The following RAB33A variants were observed in gnomAD, a reference collection of about 807,000 sequenced individuals.
RAB33A encodes the protein RAB33A, member RAS oncogene family, also known as ras-related protein Rab-33A.
RAB33A carries 6 observed loss-of-function variants against 12.0 expected under a neutral mutation model. The observed-to-expected ratio is 0.50, with a 90% CI of 0.27 to 0.99. RAB33A has a LOEUF of 0.99. RAB33A is among the 50% of genes least tolerant of loss of function. RAB33A has a pLI of 0.11. For synonymous variants in RAB33A, 70 were observed against 82.4 expected (o/e 0.85, Z 0.81); for missense variants, 109 against 192.0 (o/e 0.57, Z 2.55).
the RAB33A span, chrX:130,138,464 C>CA: frequency 1.3e-3 from 659 of 517,206 alleles, no homozygotes; most frequent in Middle Eastern, 3.5e-3. Flanking sequence ...GACTCCATCT[C>CA]AAAAAAAAAT....
upstream of RAB33A, among the ~76,000 whole-genome samples, chrX:130,168,465 C>T (rs979947672): frequency 1.8e-5 from 2 of 111,139 alleles, no homozygotes; most frequent in Admixed American, 9.5e-5. Context: ...TCGCCCGCCT[C>T]GGCCTCCCAA....
intron 1 of RAB33A, among the ~76,000 whole-genome samples, chrX:130,174,016 A>G (rs903535549): frequency 1.8e-5 from 2 of 112,127 alleles, no homozygotes; most frequent in Non-Finnish European, 3.8e-5. Context: ...TGGGAATCTA[A>G]AGAAGGAGGG....
chrX:130,145,695 A>AGTCTGGT, the RAB33A span: 2 of 531,219 alleles, frequency 3.8e-6, no homozygotes, highest in East Asian at 7.7e-5. Flanking sequence ...TAAGTCTCCA[A>AGTCTGGT]GTCTATTAAA....
At chrX:130,115,726 AAAG>A in the RAB33A span, among the ~76,000 whole-genome samples, 1 of 111,164 alleles carries the variant, frequency 9.0e-6, no homozygotes, top group African/African-American at 3.3e-5. Context: ...AGAAAGAAAG[AAAG>A]AAAGAAAAGG....
upstream of RAB33A, among the ~76,000 whole-genome samples, chrX:130,169,039 C>T (rs1418091153): frequency 9.1e-6 from 1 of 109,688 alleles, no homozygotes; most frequent in Non-Finnish European, 1.9e-5. Flanking sequence ...AACCCCGTCT[C>T]TACTAAAAAT....
In RAB33A at chrX:130,172,191, G is replaced by A; in HGVS notation, c.129G>A (p.Gly43=). Residue 43 remains glycine (G), a synonymous_variant, in exon 1 of 2, where the codon GGG becomes GGA. Coordinates refer to ENST00000257017, the MANE Select transcript of RAB33A (RefSeq NM_004794.3). The stretch of plus-strand genomic sequence containing the variant: ...GCATCTTCAAAATAATCGTGATTGG[G>A]GACTCCAACGTGGGCAAGACCTGCC... ...QIRIFKIIVI[G]DSNVGKTCLT... The A allele has an allele frequency of 8.3e-7, 1 of 1,212,061 alleles. No homozygotes were observed.
At chrX:130,158,946 C>T in the RAB33A span, among the ~76,000 whole-genome samples, 2 of 110,598 alleles carry the variant, frequency 1.8e-5, no homozygotes, top group Admixed American at 9.7e-5. Context: ...AGGCCACAGA[C>T]GGGTAAAAAC....
the RAB33A span, chrX:130,156,689 A>C: frequency 9.9e-7 from 1 of 1,009,636 alleles, no homozygotes; most frequent in South Asian, 1.9e-5. Context: ...TGCACTGTAC[A>C]AGACTTATTG....
the RAB33A span, among the ~76,000 whole-genome samples, chrX:130,113,102 A>ATTTTTT: frequency 3.0e-5 from 1 of 33,538 alleles, no homozygotes. Flanking sequence ...TTTTTTTGAG[A>ATTTTTT]TGGAGTCTCG....
At chrX:130,144,439 C>T in the RAB33A span, among the ~76,000 whole-genome samples, 1 of 112,297 alleles carries the variant, frequency 8.9e-6, no homozygotes, top group Non-Finnish European at 1.9e-5. Context: ...CACTTCCTAA[C>T]TTGTACCTAA....
chrX:130,132,767 G>A, the RAB33A span, among the ~76,000 whole-genome samples: 2 of 82,011 alleles, frequency 2.4e-5, no homozygotes, highest in Non-Finnish European at 4.4e-5. Flanking sequence ...TTTTTTTTGA[G>A]ACGGAGTCTC....
In RAB33A at chrX:130,172,293, C is replaced by T; in HGVS notation, c.231C>T (p.Thr77=). 2.5e-6 allele frequency: 3 copies of T among 1,208,546 alleles called. No individual in the cohort carries two copies. Among genetic ancestry groups the T allele is most frequent in the Non-Finnish European group, 2.2e-6 (2 of 893,556 alleles). ...TCGGCGTGGACTTCAGGGAGAAGAC[C>T]GTGGAAATCGAGGGCGAGAAGATCA... is the stretch of plus-strand genomic sequence containing the variant. ...ATIGVDFREK[T]VEIEGEKIKV... Residue 77 remains threonine, a synonymous_variant, in exon 1 of 2, where the codon ACC becomes ACT. Transcript: ENST00000257017.
At chrX:130,182,910 G>A (rs111422880) in intron 1 of RAB33A, among the ~76,000 whole-genome samples, 4,833 of 109,990 alleles carry the variant, frequency 0.044, 274 homozygotes, top group African/African-American at 0.15. Flanking sequence ...TTTCATTTTT[G>A]TTTATTCTTT....
the RAB33A span, among the ~76,000 whole-genome samples, chrX:130,157,734 AGGTGG>A: frequency 9.1e-6 from 1 of 110,396 alleles, no homozygotes; most frequent in Non-Finnish European, 1.9e-5. Context: ...TGGGAGGCCT[AGGTGG>A]GCAGATCACG....
the RAB33A span, chrX:130,135,992 G>A: frequency 1.0e-5 from 12 of 1,203,474 alleles, no homozygotes; most frequent in East Asian, 3.0e-4. Flanking sequence ...GGGCAGACTT[G>A]TTCACAGGCT....
chrX:130,132,122 T>C, the RAB33A span, among the ~76,000 whole-genome samples: 1 of 111,612 alleles, frequency 9.0e-6, no homozygotes, highest in Non-Finnish European at 1.9e-5. Context: ...TCTGCCCGCC[T>C]TGGCCTCCCA....
At chrX:130,154,872 C>A in the RAB33A span, among the ~76,000 whole-genome samples, 1 of 112,270 alleles carries the variant, frequency 8.9e-6, no homozygotes, top group Non-Finnish European at 1.9e-5. Flanking sequence ...AATTTGGTAT[C>A]ATACAAAATC....
chrX:130,149,150 G>A, the RAB33A span, among the ~76,000 whole-genome samples: 52,704 of 109,062 alleles, frequency 0.48, 9,952 homozygotes, highest in African/African-American at 0.67. Context: ...TTGAGCTCCT[G>A]ACCTCAGCTG....
intron 1 of RAB33A, 81 bp downstream of exon 1, chrX:130,172,401 G>T (rs1445627248): frequency 2.7e-6 from 3 of 1,091,496 alleles, no homozygotes; most frequent in South Asian, 2.2e-5. Context: ...GGTTGTCGTC[G>T]TCCAGCGTCC....
Sources: allele counts gnomAD v4.1 joint callset (sites outside exome capture counted in the v4.1 genomes callset), GRCh38; gene constraint gnomAD v4.1.1; transcripts MANE v1.5; gene names NCBI Gene and HGNC (gene_info 2026-07-23, HGNC 2026-07-21).